The following RTN4R variants were observed in gnomAD, a reference collection of about 807,000 sequenced individuals.
RTN4R encodes the protein reticulon 4 receptor.
Under a neutral mutation model 27.7 loss-of-function variants are expected in RTN4R, and 4 were observed. The observed-to-expected ratio is 0.14, with a 90% CI of 0.07 to 0.33. The LOEUF (loss-of-function observed/expected upper bound fraction) is 0.33. Ranked by LOEUF, RTN4R falls within the 10% of genes least tolerant of loss-of-function variation. The pLI is 1.00. For missense variants in RTN4R, 554 were observed against 671.5 expected (o/e 0.83, Z 1.93); for synonymous variants, 290 against 305.6 (o/e 0.95, Z 0.53).
intron 1 of RTN4R, among the ~76,000 whole-genome samples, chr22:20,264,174 A>G (rs2051263969): frequency 1.3e-5 from 2 of 152,252 alleles, no homozygotes; most frequent in African/African-American, 2.4e-5. Flanking sequence ...TGCATCTCCC[A>G]GTGTCCAGCT....
chr22:20,251,962 C>CA, intron 1 of RTN4R, among the ~76,000 whole-genome samples: 2 of 32,566 alleles, frequency 6.1e-5, no homozygotes, highest in African/African-American at 1.2e-4. Flanking sequence ...CCATCCTTAT[C>CA]CTCATCACTA....
chr22:20,253,988 A>G (rs1477354155), intron 1 of RTN4R, among the ~76,000 whole-genome samples: 2 of 152,150 alleles, frequency 1.3e-5, no homozygotes, highest in Non-Finnish European at 2.9e-5. Context: ...AGAAAACAAA[A>G]AAACTGAGAA....
At chr22:20,262,328 G>A (rs377311880) in intron 1 of RTN4R, among the ~76,000 whole-genome samples, 1 of 152,250 alleles carries the variant, frequency 6.6e-6, no homozygotes, top group South Asian at 2.1e-4. Context: ...TGCACAGGCC[G>A]GGCACACGGC....
At chr22:20,248,552 C>T (rs996901598) in intron 1 of RTN4R, among the ~76,000 whole-genome samples, 3 of 152,214 alleles carry the variant, frequency 2.0e-5, no homozygotes, top group African/African-American at 4.8e-5. Context: ...ACTCGCTTGG[C>T]CCTCCCTCCG....
intron 1 of RTN4R, chr22:20,248,986 GC>G: frequency 5.0e-6 from 2 of 401,868 alleles, no homozygotes; most frequent in East Asian, 7.2e-5. Context: ...CACACTGGGG[GC>G]CCCTGGAGGC....
At chr22:20,263,468 C>T (rs2051259360) in intron 1 of RTN4R, among the ~76,000 whole-genome samples, 2 of 152,226 alleles carry the variant, frequency 1.3e-5, no homozygotes, top group Admixed American at 6.5e-5. Context: ...TTATGTGATA[C>T]CCCCAACATT....
intron 1 of RTN4R, among the ~76,000 whole-genome samples, chr22:20,254,166 C>T (rs189628901): frequency 1.7e-4 from 26 of 152,186 alleles, no homozygotes; most frequent in African/African-American, 6.0e-4. Flanking sequence ...CAGCAGTGCA[C>T]GCCGGTAATC....
chr22:20,242,141 C>T lies in RTN4R; in HGVS notation c.992G>A (p.Gly331Glu), dbSNP rs1424227762. The change falls in exon 2 of 2, where the codon GGG becomes GAG. Residue 331 changes from glycine to glutamate, a missense_variant. Gly to Glu is a moderately conservative substitution (Grantham distance 98). This residue lies in a region of RTN4R where 413 missense variants were observed against 542.3 expected (regional missense o/e 0.76). Transcript: ENST00000043402. ...ATCTGGCTGGCAGCACTTGGGAAGC[C>T]CCAGCGGCTCCTCATCGGTGGCCCT... Reference protein sequence around the residue: ...TGRATDEEPLGLPKCCQPDAA... With the variant: ...TGRATDEEPLELPKCCQPDAA... 1 of 1,612,338 alleles carries T rather than the reference C, an allele frequency of 6.2e-7. No individual in the cohort carries two copies. The highest frequency in any genetic ancestry group is 8.5e-7 in the Non-Finnish European group (1 of 1,179,696).
chr22:20,241,905 T>C lies in RTN4R; in HGVS notation c.1228A>G (p.Thr410Ala). The change falls in exon 2 of 2, where the codon ACC becomes GCC. Residue 410 changes from threonine to alanine, a missense_variant. By Grantham distance (58) the Thr-to-Ala change is moderately conservative. This residue lies in a region of RTN4R where 141 missense variants were observed against 129.2 expected (regional missense o/e 1.09). Transcript: ENST00000043402. ...CCTGGCCTCCGGCGAGGGCCCGAGG[T>C]GGGGAACCCTGGTGGCTCGGAGCCC... ...PEGSEPPGFPTSGPRRRPGCS... is the reference protein window; with the variant it reads ...PEGSEPPGFPASGPRRRPGCS... The C allele has an allele frequency of 6.2e-7, 1 of 1,605,428 alleles. No individual in the cohort carries two copies. Among genetic ancestry groups the C allele is most frequent in the Non-Finnish European group, 8.5e-7 (1 of 1,176,554 alleles).
chr22:20,251,281 T>G lies in RTN4R; in HGVS notation c.23-8171A>C, dbSNP rs543187621. 7.2e-5 allele frequency among the ~76,000 whole-genome samples: 11 copies of G among 152,288 alleles called. 1 individual carries two copies. Among genetic ancestry groups the G allele is most frequent in the Admixed American group, 3.3e-4 (5 of 15,302 alleles). On this transcript the variant is annotated intron_variant, in intron 1 of 1. Coordinates refer to ENST00000043402, the MANE Select transcript of RTN4R (RefSeq NM_023004.6). ...GATTCCAGCCTCTGCTAAAGGGATC[T>G]TCACAGTTAATAACAAAGAAATATT...
Position 20,241,857 on chromosome 22 carries a change from G to T in RTN4R, c.1276C>A (p.Arg426Ser). Residue 426 changes from arginine to serine, a missense_variant, in exon 2 of 2, where the codon CGC (arginine) becomes AGC (serine). Coordinates refer to ENST00000043402, the MANE Select transcript of RTN4R (RefSeq NM_023004.6). The stretch of plus-strand genomic sequence containing the variant: ...GCCTGGCCCAGACGGCAGTGGCTGC[G>T]GGTGCGGTTCTTGCGTGAACAGCCT... ...RPGCSRKNRT[R>S]SHCRLGQAGS... The T allele has an allele frequency of 6.2e-7, 1 of 1,609,702 alleles. No individual in the cohort carries two copies. The highest frequency in any genetic ancestry group is 8.5e-7 in the Non-Finnish European group (1 of 1,178,924).
intron 1 of RTN4R, among the ~76,000 whole-genome samples, chr22:20,263,594 G>A (rs1024267373): frequency 2.0e-5 from 3 of 152,230 alleles, no homozygotes; most frequent in African/African-American, 7.2e-5. Context: ...TCTGAGTGAG[G>A]CTGGGTCAGC....
At chr22:20,260,306 G>T (rs1178038879) in intron 1 of RTN4R, among the ~76,000 whole-genome samples, 1 of 152,156 alleles carries the variant, frequency 6.6e-6, no homozygotes, top group African/African-American at 2.4e-5. Context: ...CCTGGGGCTG[G>T]GCAGGGCGTG....
Position 20,242,680 on chromosome 22 carries a change from G to A in RTN4R, c.453C>T (p.Arg151=), listed in dbSNP as rs745427309. The stretch of plus-strand genomic sequence containing the variant: ...AGAGGTACTGCAGGGCAGCCAGGCC[G>A]CGGAACAGCCCCGGGCCCAGCTCCT... ...GLQELGPGLF[R]GLAALQYLYL... Residue 151 remains arginine (R), a synonymous_variant, in exon 2 of 2, where the codon CGC becomes CGT. Coordinates refer to ENST00000043402, the MANE Select transcript of RTN4R (RefSeq NM_023004.6). 63 of 1,612,392 alleles carry A rather than the reference G, an allele frequency of 3.9e-5. No individual in the cohort carries two copies. The highest frequency in any genetic ancestry group is 1.5e-4 in the Admixed American group (9 of 59,964).
At position 20,242,542 on chromosome 22, in the gene RTN4R, G is replaced by T. The variant is rs753719651; in HGVS notation, c.591C>A (p.Ala197=). ...GGTCGAGGCTGTGCAGCCCACGGAA[G>T]GCGCGCTCGGGCACGCTGGAGATGC... ...GNRISSVPER[A]FRGLHSLDRL... Residue 197 remains alanine, a synonymous_variant, in exon 2 of 2, where the codon GCC becomes GCA. Coordinates refer to ENST00000043402, the MANE Select transcript of RTN4R (RefSeq NM_023004.6). The T allele has an allele frequency of 1.2e-6, 2 of 1,613,594 alleles. No homozygotes were observed. Among genetic ancestry groups the T allele is most frequent in the African/African-American group, 1.3e-5 (1 of 75,070 alleles).
At chr22:20,267,679 C>G (rs2051286680) in intron 1 of RTN4R, 1 of 462,626 alleles carries the variant, frequency 2.2e-6, no homozygotes, top group Non-Finnish European at 4.5e-6. Flanking sequence ...CCCCCACCCA[C>G]CCTCGGTACC....
intron 1 of RTN4R, among the ~76,000 whole-genome samples, chr22:20,245,343 C>A (rs1033513588): frequency 6.6e-6 from 1 of 152,246 alleles, no homozygotes; most frequent in Non-Finnish European, 1.5e-5. Flanking sequence ...CAGCCTGGCC[C>A]CCCTTGGGGC....
In RTN4R at chr22:20,241,477, T is replaced by C. The variant is rs564861886; in HGVS notation, c.*234A>G. ...TTTTACACAAGTAAAATAAAATGCA[T>C]ATCTCTATATACCGCGATCTGGGTG... is the stretch of plus-strand genomic sequence containing the variant. On this transcript the variant is annotated 3_prime_UTR_variant, in exon 2 of 2. Transcript: ENST00000043402. The C allele has an allele frequency of 1.7e-6, 1 of 580,344 alleles. No homozygotes were observed. The highest frequency in any genetic ancestry group is 2.9e-5 in the East Asian group (1 of 34,890). 35.9% of individuals were successfully genotyped at this position (580,344 alleles called of 1,614,324 possible). A position where few individuals can be genotyped will look rare whatever the true frequency, so the allele number is the denominator to read the frequency against.
Position 20,241,656 on chromosome 22 carries a change from G to T in RTN4R, c.*55C>A, listed in dbSNP as rs558616404. On this transcript the variant is annotated 3_prime_UTR_variant, in exon 2 of 2. Coordinates refer to ENST00000043402, the MANE Select transcript of RTN4R (RefSeq NM_023004.6). ...CGGCTGGCTTGGCGGCGTGGAGAGA[G>T]ACCCCGTATGTACACACACCTGGCT... 1 of 1,540,334 alleles carries T rather than the reference G, an allele frequency of 6.5e-7. No individual in the cohort carries two copies. Among genetic ancestry groups the T allele is most frequent in the Non-Finnish European group, 8.8e-7 (1 of 1,140,310 alleles).
Sources: gnomAD v4.1 joint callset for allele counts (sites outside exome capture counted in the v4.1 genomes callset) on GRCh38, gnomAD v4.1.1 for gene constraint, gnomAD v4.1.1 regional missense constraint, MANE v1.5 for transcripts, NCBI Gene and HGNC (gene_info 2026-07-23, HGNC 2026-07-21) for gene names.